Variants in CSMD1 observed in about 807,000 individuals in gnomAD.
The protein encoded by CSMD1 is CUB and sushi domain-containing protein 1.
In CSMD1, 213 loss-of-function variants were observed where a neutral mutation model predicts 417.5. The ratio of observed to expected loss-of-function variants is 0.51; its 90% confidence interval spans 0.46 to 0.57. The LOEUF (loss-of-function observed/expected upper bound fraction) is 0.57. Ranked by LOEUF, CSMD1 falls within the 20% of genes least tolerant of loss-of-function variation. CSMD1 has a pLI of 0.00. For synonymous variants in CSMD1, 2,862 were observed against 1,736.8 expected (o/e 1.65, Z -16.11); for missense variants, 6,923 against 4,529.7 (o/e 1.53, Z -15.17).
chr8:4,709,240 G>C (rs1232665184), intron 1 of CSMD1, among the ~76,000 whole-genome samples: 1 of 152,200 alleles, frequency 6.6e-6, no homozygotes, highest in African/African-American at 2.4e-5. Flanking sequence ...TACTCTTGTA[G>C]ACTGGTGTGG....
chr8:4,862,395 A>T (rs1802190152), intron 1 of CSMD1, among the ~76,000 whole-genome samples: 2 of 152,108 alleles, frequency 1.3e-5, no homozygotes, highest in Admixed American at 6.5e-5. Flanking sequence ...TCTTTCAAAG[A>T]ATCACTGTAG....
chr8:3,235,672 G>T (rs7814326), intron 26 of CSMD1, among the ~76,000 whole-genome samples: 39,695 of 152,054 alleles, frequency 0.26, 5,457 homozygotes, highest in South Asian at 0.4. Context: ...GAAGTCCACA[G>T]AATATCAGTA....
At chr8:3,675,208 C>G (rs921713795) in intron 7 of CSMD1, among the ~76,000 whole-genome samples, 1 of 152,156 alleles carries the variant, frequency 6.6e-6, no homozygotes, top group African/African-American at 2.4e-5. Context: ...GAAGGCCTGA[C>G]CACACCTGTT....
chr8:4,709,067 C>G (rs1376802712), intron 1 of CSMD1, among the ~76,000 whole-genome samples: 3 of 152,142 alleles, frequency 2.0e-5, no homozygotes, highest in Non-Finnish European at 2.9e-5. Flanking sequence ...TATGGGAGCC[C>G]TAGCAAAGTA....
At chr8:3,720,112 G>A (rs1802066751) in intron 6 of CSMD1, among the ~76,000 whole-genome samples, 1 of 152,202 alleles carries the variant, frequency 6.6e-6, no homozygotes. Flanking sequence ...ATTCAACGTG[G>A]AATGTTAATG....
intron 11 of CSMD1, among the ~76,000 whole-genome samples, chr8:3,474,958 C>A (rs145827735): frequency 2.2e-3 from 331 of 152,198 alleles, no homozygotes; most frequent in African/African-American, 7.5e-3. Context: ...TAGCTGCCTG[C>A]CTTTTTTGCC....
At chr8:3,155,684 C>T (rs548918739) in intron 39 of CSMD1, among the ~76,000 whole-genome samples, 44 of 152,178 alleles carry the variant, frequency 2.9e-4, no homozygotes, top group South Asian at 1.7e-3. Flanking sequence ...GGATTTTAAA[C>T]GTCTGTAAAA....
At position 4,836,891 on chromosome 8, in the gene CSMD1, G is replaced by A. The variant is rs140394833; in HGVS notation, c.85+157441C>T. On this transcript the variant is annotated intron_variant, in intron 1 of 69. Transcript: ENST00000635120. ...AAAGCTTAGAGCCACCTCTCACTCTGTCTGAGGCTATGGTTGCTGCTGTGT... is the reference window on the plus strand; with the variant it reads ...AAAGCTTAGAGCCACCTCTCACTCTATCTGAGGCTATGGTTGCTGCTGTGT... Among the ~76,000 whole-genome samples the A allele has an allele frequency of 2.1e-3, 326 of 152,216 alleles. 1 individual carries two copies. The highest frequency in any genetic ancestry group is 7.3e-3 in the African/African-American group (302 of 41,536).
intron 7 of CSMD1, among the ~76,000 whole-genome samples, chr8:3,688,377 G>A (rs1800055216): frequency 6.6e-6 from 1 of 152,174 alleles, no homozygotes; most frequent in Admixed American, 6.5e-5. Context: ...TATAAAGGAG[G>A]AATTGAGAAA....
At chr8:3,545,937 G>A (rs1258306603) in intron 10 of CSMD1, among the ~76,000 whole-genome samples, 2 of 152,164 alleles carry the variant, frequency 1.3e-5, no homozygotes, top group Non-Finnish European at 1.5e-5. Flanking sequence ...AGGACAGGGT[G>A]CAGTGGGAGA....
chr8:3,396,291 C>A lies in CSMD1; in HGVS notation c.2496G>T (p.Gln832His). ...CGGTGCTGATGAGGAACTGGGGTGCCTGGGTGCCGTGGTACTCGCCGATCA... is the reference window on the plus strand; with the variant it reads ...CGGTGCTGATGAGGAACTGGGGTGCATGGGTGCCGTGGTACTCGCCGATCA... ...SPLIGEYHGT[Q>H]APQFLISTGN... Residue 832 changes from glutamine (Q) to histidine (H), a missense_variant, in exon 17 of 70, where the codon CAG becomes CAT. By Grantham distance (24) the Gln-to-His change is conservative. Transcript: ENST00000635120. The A allele has an allele frequency of 6.2e-7, 1 of 1,603,762 alleles. No homozygotes were observed. The highest frequency in any genetic ancestry group is 8.5e-7 in the Non-Finnish European group (1 of 1,175,116).
chr8:3,580,187 G>A (rs190303906), intron 9 of CSMD1, among the ~76,000 whole-genome samples: 2 of 152,276 alleles, frequency 1.3e-5, no homozygotes, highest in Admixed American at 6.5e-5. Flanking sequence ...ATGGCGGAGA[G>A]AGAACAAAAC....
At chr8:3,529,066 C>A (rs1797871774) in intron 10 of CSMD1, among the ~76,000 whole-genome samples, 1 of 152,154 alleles carries the variant, frequency 6.6e-6, no homozygotes. Flanking sequence ...CAAGCTGTAA[C>A]ACAGACACTT....
chr8:4,775,403 C>T (rs891758602), intron 1 of CSMD1, among the ~76,000 whole-genome samples: 1 of 151,914 alleles, frequency 6.6e-6, no homozygotes, highest in Non-Finnish European at 1.5e-5. Context: ...TTATAAACTT[C>T]CATGAAGTAT....
At chr8:3,883,161 T>C (rs926950623) in intron 5 of CSMD1, among the ~76,000 whole-genome samples, 3 of 152,140 alleles carry the variant, frequency 2.0e-5, no homozygotes, top group Non-Finnish European at 4.4e-5. Flanking sequence ...GCTCAGGCCT[T>C]GGAATTAAAT....
chr8:3,716,456 G>C lies in CSMD1; in HGVS notation c.932-7965C>G, dbSNP rs912453663. Among the ~76,000 whole-genome samples, 4 of 152,148 alleles carry C rather than the reference G, an allele frequency of 2.6e-5. No individual in the cohort carries two copies. The South Asian group carries it at 6.2e-4, about 24-fold the overall frequency. ...GGATTATTCATGCCTCCCTTTTTTA[G>C]ACCATATAGAGTAACTTTGTGATGC... On this transcript the variant is annotated intron_variant, in intron 6 of 69. Coordinates refer to ENST00000635120, the MANE Select transcript of CSMD1 (RefSeq NM_033225.6).
chr8:3,308,048 A>G (rs1805020048), intron 24 of CSMD1, among the ~76,000 whole-genome samples: 2 of 146,938 alleles, frequency 1.4e-5, no homozygotes, highest in African/African-American at 5.1e-5. Flanking sequence ...GCAATAAGAC[A>G]CTCATGTGAT....
In CSMD1 at chr8:4,087,385, C is replaced by A. The variant is rs140539287; in HGVS notation, c.416-55286G>T. Reference sequence around the variant, plus strand: ...GCTTCTCAAAGAACATGACCTAACACACATAGCTGTTCTTGCATTTTGAGC... The same window carrying A: ...GCTTCTCAAAGAACATGACCTAACAAACATAGCTGTTCTTGCATTTTGAGC... On this transcript the variant is annotated intron_variant, in intron 3 of 69. Coordinates refer to ENST00000635120, the MANE Select transcript of CSMD1 (RefSeq NM_033225.6). Among the ~76,000 whole-genome samples the A allele has an allele frequency of 5.3e-5, 8 of 152,342 alleles. No individual in the cohort carries two copies. In the East Asian group the frequency reaches 1.5e-3, roughly 29 times the overall value.
chr8:4,227,282 C>G (rs1801416995), intron 3 of CSMD1, among the ~76,000 whole-genome samples: 1 of 152,106 alleles, frequency 6.6e-6, no homozygotes, highest in Non-Finnish European at 1.5e-5. Flanking sequence ...ACCACATATC[C>G]CCTCGGTCTG....
Sources: gnomAD v4.1 joint callset for allele counts (sites outside exome capture counted in the v4.1 genomes callset) on GRCh38, gnomAD v4.1.1 for gene constraint, MANE v1.5 for transcripts, NCBI Gene and HGNC (gene_info 2026-07-23, HGNC 2026-07-21) for gene names.